Variants in THUMPD2 observed in about 807,000 individuals in gnomAD.
THUMPD2 encodes the protein THUMP domain 2 tRNA and snRNA guanosine methyltransferase.
THUMPD2 carries 56 observed loss-of-function variants against 49.4 expected under a neutral mutation model. The ratio of observed to expected loss-of-function variants is 1.13; its 90% CI spans 0.91 to 1.41. The LOEUF (loss-of-function observed/expected upper bound fraction) is 1.41, where lower values mean the gene tolerates loss of function less well. THUMPD2 is among the 40% of genes most tolerant of loss of function. The pLI is 0.00. For synonymous variants in THUMPD2, 237 were observed against 205.2 expected (o/e 1.15, Z -1.32); for missense variants, 709 against 594.5 (o/e 1.19, Z -2.00).
intron 7 of THUMPD2, 106 bp downstream of exon 7, chr2:39,755,783 A>C: frequency 3.3e-6 from 3 of 914,002 alleles, no homozygotes; most frequent in Non-Finnish European, 3.4e-6. Flanking sequence ...CATATAATTA[A>C]AAATAATCCC....
chr2:39,767,092 AT>A (rs1677623510), intron 4 of THUMPD2, among the ~76,000 whole-genome samples: 1 of 152,138 alleles, frequency 6.6e-6, no homozygotes, highest in South Asian at 2.1e-4. Flanking sequence ...TCCTCTGTCA[AT>A]TTTTTAGTCA....
At chr2:39,739,405 C>G (rs1673593066) in intron 9 of THUMPD2, among the ~76,000 whole-genome samples, 1 of 152,192 alleles carries the variant, frequency 6.6e-6, no homozygotes, top group Non-Finnish European at 1.5e-5. Flanking sequence ...GCCCCACAGT[C>G]AAATATCACT....
rs1389201453 is a variant in THUMPD2 at position 39,761,536 on chromosome 2, T to C, written c.804-118A>G. On this transcript the variant is annotated intron_variant, in intron 5 of 9. Transcript: ENST00000505747. ...CATATTCATCCAACATACACTAAAG[T>C]ATTCCCTAAGTTAGACAATGTTTCA... 4 of 932,082 alleles carry C rather than the reference T, an allele frequency of 4.3e-6. No individual in the cohort carries two copies. In the African/African-American group the frequency reaches 6.5e-5, roughly 15 times the overall value. 57.7% of individuals were successfully genotyped at this position (932,082 alleles called of 1,614,324 possible).
chr2:39,758,362 C>CT (rs1239133972), intron 6 of THUMPD2, among the ~76,000 whole-genome samples: 1 of 152,200 alleles, frequency 6.6e-6, no homozygotes, highest in Non-Finnish European at 1.5e-5. Context: ...ACTCTCAACT[C>CT]TAAGCTTTTT....
At chr2:39,747,973 T>C (rs1329225478) in intron 8 of THUMPD2, among the ~76,000 whole-genome samples, 1 of 152,224 alleles carries the variant, frequency 6.6e-6, no homozygotes, top group African/African-American at 2.4e-5. Context: ...ATTCTTTCCA[T>C]ACCATATCCA....
At chr2:39,738,703 T>A (rs1358993996) in intron 9 of THUMPD2, among the ~76,000 whole-genome samples, 1 of 148,520 alleles carries the variant, frequency 6.7e-6, no homozygotes, top group Non-Finnish European at 1.5e-5. Context: ...ATAAATTATA[T>A]ATATATGTAA....
At chr2:39,773,643 T>C (rs926729666) in intron 1 of THUMPD2, among the ~76,000 whole-genome samples, 2 of 141,138 alleles carry the variant, frequency 1.4e-5, no homozygotes, top group African/African-American at 5.3e-5. Flanking sequence ...AATATATATA[T>C]TTCCCCCTGG....
intron 8 of THUMPD2, among the ~76,000 whole-genome samples, chr2:39,748,914 C>T (rs1321313792): frequency 4.0e-5 from 6 of 151,606 alleles, no homozygotes; most frequent in East Asian, 1.9e-4. Flanking sequence ...CCCAGGAGTT[C>T]GTTCAAGGCT....
At position 39,776,334 on chromosome 2, in the gene THUMPD2, T is replaced by A. The variant is rs566382047; in HGVS notation, c.126+2780A>T. 7.3e-5 allele frequency among the ~76,000 whole-genome samples: 11 copies of A among 151,418 alleles called. No individual in the cohort carries two copies. The East Asian group carries it at 2.1e-3, about 29-fold the overall frequency. Reference sequence around the variant, plus strand: ...AGATAAAACTTACAGAATTCCAACTTACAGGAAATACAGAGGATAGAGGAA... The same window carrying A: ...AGATAAAACTTACAGAATTCCAACTAACAGGAAATACAGAGGATAGAGGAA... On this transcript the variant is annotated intron_variant, in intron 1 of 9. Coordinates refer to ENST00000505747, the MANE Select transcript of THUMPD2 (RefSeq NM_025264.5).
At chr2:39,755,234 T>C (rs1324443454) in intron 8 of THUMPD2, 61 bp downstream of exon 8, 2 of 1,143,766 alleles carry the variant, frequency 1.7e-6, no homozygotes, top group Admixed American at 5.8e-5. Flanking sequence ...TTTTATATTA[T>C]GATTCTAAAT....
intron 8 of THUMPD2, among the ~76,000 whole-genome samples, chr2:39,751,260 A>G (rs1675363631): frequency 6.6e-6 from 1 of 152,266 alleles, no homozygotes; most frequent in African/African-American, 2.4e-5. Context: ...GTATGAAAGA[A>G]AATGCAAACA....
intron 1 of THUMPD2, among the ~76,000 whole-genome samples, chr2:39,776,982 TAAAC>T (rs1679194874): frequency 6.6e-6 from 1 of 152,244 alleles, no homozygotes; most frequent in African/African-American, 2.4e-5. Context: ...ATTACTTTCT[TAAAC>T]AATCATTCTT....
intron 5 of THUMPD2, among the ~76,000 whole-genome samples, chr2:39,762,411 T>C (rs1428055328): frequency 6.6e-6 from 1 of 152,196 alleles, no homozygotes; most frequent in Non-Finnish European, 1.5e-5. Context: ...TGTTTTTGTA[T>C]TTATTGCAAG....
At chr2:39,766,844 T>C (rs1406303665) in intron 4 of THUMPD2, among the ~76,000 whole-genome samples, 1 of 149,810 alleles carries the variant, frequency 6.7e-6, no homozygotes, top group Admixed American at 6.8e-5. Context: ...AGAAAAGACT[T>C]ACCTGGAGTG....
In THUMPD2 at chr2:39,770,115, T is replaced by G; in HGVS notation, c.267A>C (p.Lys89Asn). ...TAAGTCTTTGCATTTCATTAAATAT[T>G]TTTCCTAAATAAGAAAAATCTTGTT... ...PLIISSVSKG[K>N]IFNEMQRLIN... is the part of the protein sequence containing the mutation. Residue 89 changes from lysine to asparagine, a missense_variant, in exon 3 of 10, where the codon AAA becomes AAC. By Grantham distance (94) the Lys-to-Asn change is moderately conservative. Coordinates refer to ENST00000505747, the MANE Select transcript of THUMPD2 (RefSeq NM_025264.5). 6.8e-7 allele frequency: 1 copy of G among 1,471,910 alleles called. No individual in the cohort carries two copies. Among genetic ancestry groups the G allele is most frequent in the South Asian group, 1.6e-5 (1 of 64,226 alleles). 91.2% of individuals were successfully genotyped at this position (1,471,910 alleles called of 1,614,324 possible).
intron 8 of THUMPD2, among the ~76,000 whole-genome samples, chr2:39,746,504 T>C (rs1178058873): frequency 6.6e-6 from 1 of 152,208 alleles, no homozygotes; most frequent in Non-Finnish European, 1.5e-5. Context: ...TTTAAATTAT[T>C]AGATGCTTTA....
At chr2:39,762,164 A>G (rs1284673619) in intron 5 of THUMPD2, among the ~76,000 whole-genome samples, 1 of 152,168 alleles carries the variant, frequency 6.6e-6, no homozygotes, top group Non-Finnish European at 1.5e-5. Context: ...TTTCTAGTTC[A>G]CTTCTACAAT....
intron 6 of THUMPD2, among the ~76,000 whole-genome samples, chr2:39,757,759 G>A (rs1323898679): frequency 2.0e-5 from 3 of 152,314 alleles, no homozygotes; most frequent in Admixed American, 1.3e-4. Context: ...TGATATGTAG[G>A]AAGGAGAACA....
intron 3 of THUMPD2, chr2:39,769,359 G>C: frequency 4.3e-6 from 1 of 233,518 alleles, no homozygotes. Flanking sequence ...TGTTCTGTGA[G>C]AGGTTTGCAT....
Sources: allele counts gnomAD v4.1 joint callset (sites outside exome capture counted in the v4.1 genomes callset), GRCh38; gene constraint gnomAD v4.1.1; transcripts MANE v1.5; gene names NCBI Gene and HGNC (gene_info 2026-07-23, HGNC 2026-07-21).